The following SSUH2 variants were observed in gnomAD, a reference collection of about 807,000 sequenced individuals.
SSUH2 encodes protein SSUH2 homolog.
SSUH2 carries 47 observed loss-of-function variants against 55.3 expected under a neutral mutation model. The ratio of observed to expected loss-of-function variants is 0.85; its 90% CI spans 0.67 to 1.08. The LOEUF is 1.08. Ranked by LOEUF, SSUH2 falls within the 50% of genes least tolerant of loss-of-function variation. SSUH2 has a pLI of 0.00. For missense variants in SSUH2, 535 were observed against 490.7 expected (o/e 1.09, Z -0.85); for synonymous variants, 212 against 191.5 (o/e 1.11, Z -0.89).
chr3:8,681,197 G>A (rs1332139796), intron 1 of SSUH2, among the ~76,000 whole-genome samples: 2 of 135,566 alleles, frequency 1.5e-5, no homozygotes, highest in Admixed American at 7.1e-5. Context: ...CGGGGAATGA[G>A]AGCCAGCCCC....
chr3:8,625,212 A>G (rs1469343830), intron 10 of SSUH2, among the ~76,000 whole-genome samples: 1 of 151,914 alleles, frequency 6.6e-6, no homozygotes, highest in Non-Finnish European at 1.5e-5. Context: ...TGTGGAAGGA[A>G]GGAGGGGATG....
intron 11 of SSUH2, among the ~76,000 whole-genome samples, chr3:8,620,794 G>T (rs1559263339): frequency 6.6e-6 from 1 of 152,180 alleles, no homozygotes; most frequent in Admixed American, 6.5e-5. Context: ...CAACCACAGA[G>T]GTATTAGGAA....
chr3:8,622,824 C>G (rs1363156006), intron 11 of SSUH2, among the ~76,000 whole-genome samples: 1 of 152,200 alleles, frequency 6.6e-6, no homozygotes, highest in Non-Finnish European at 1.5e-5. Flanking sequence ...GCAAAACCCT[C>G]TGAGGTGCTT....
chr3:8,650,515 T>C (rs930695412), intron 7 of SSUH2, among the ~76,000 whole-genome samples: 1 of 152,180 alleles, frequency 6.6e-6, no homozygotes, highest in Non-Finnish European at 1.5e-5. Context: ...TCTCCAAAGA[T>C]AAGCTTTGTT....
intron 5 of SSUH2, among the ~76,000 whole-genome samples, chr3:8,666,598 A>G (rs963577709): frequency 6.6e-6 from 1 of 152,182 alleles, no homozygotes; most frequent in Non-Finnish European, 1.5e-5. Context: ...CACCGCAACA[A>G]TCATCAACAC....
intron 4 of SSUH2, 115 bp from the exon 5 acceptor site, chr3:8,632,224 T>A: frequency 1.3e-6 from 1 of 797,116 alleles, no homozygotes; most frequent in East Asian, 2.6e-5. Context: ...GAGAGGTCCA[T>A]GCACAACACC....
At position 8,677,696 on chromosome 3, in the gene SSUH2, A is replaced by G. The variant is rs754795840; in HGVS notation, c.-900-343T>C. ...AACAACTAGACAGGGTTTCTAAAGG[A>G]TTGCCCCCCTGTTTTAGGGCCTTGG... is the stretch of plus-strand genomic sequence containing the variant. On this transcript the variant is annotated intron_variant, in intron 2 of 18. Transcript: ENST00000317371. Among the ~76,000 whole-genome samples, 2 of 150,690 alleles carry G rather than the reference A, an allele frequency of 1.3e-5. 1 individual carries two copies. Among genetic ancestry groups the G allele is most frequent in the Admixed American group, 1.3e-4 (2 of 15,168 alleles).
intron 7 of SSUH2, among the ~76,000 whole-genome samples, chr3:8,656,220 AAT>A (rs1702922630): frequency 6.6e-6 from 1 of 152,252 alleles, no homozygotes; most frequent in Admixed American, 6.5e-5. Context: ...AACCTCTGGC[AAT>A]ATATACTCTC....
intron 3 of SSUH2, 143 bp from the exon 4 acceptor site, chr3:8,633,938 T>C (rs769175742): frequency 3.3e-5 from 53 of 1,613,666 alleles, no homozygotes; most frequent in Non-Finnish European, 4.4e-5. Flanking sequence ...GGGGAGGGCA[T>C]CTCCTGCAAA....
At chr3:8,625,321 C>A (rs1697296849) in intron 10 of SSUH2, among the ~76,000 whole-genome samples, 2 of 151,850 alleles carry the variant, frequency 1.3e-5, no homozygotes, top group Non-Finnish European at 2.9e-5. Flanking sequence ...GGAAGAACGG[C>A]ATGGTGGGTG....
intron 1 of SSUH2, among the ~76,000 whole-genome samples, chr3:8,681,645 C>G (rs112311407): frequency 0.015 from 2,272 of 150,502 alleles, 54 homozygotes; most frequent in African/African-American, 0.05. Context: ...GGTGAGGCAC[C>G]CCCCGTGCGA....
At chr3:8,670,983 T>C in intron 5 of SSUH2, 1 of 421,888 alleles carries the variant, frequency 2.4e-6, no homozygotes, top group Non-Finnish European at 4.9e-6. Flanking sequence ...TAACGAATAA[T>C]GTCAGAGAAT....
intron 3 of SSUH2, chr3:8,634,281 ACT>A (rs1024595950): frequency 1.4e-5 from 12 of 834,512 alleles, no homozygotes; most frequent in Non-Finnish European, 1.9e-5. Context: ...GCCCATGGAG[ACT>A]CACCCTGAGG....
intron 5 of SSUH2, among the ~76,000 whole-genome samples, chr3:8,666,673 G>A (rs923963349): frequency 8.5e-5 from 13 of 152,340 alleles, no homozygotes; most frequent in Admixed American, 4.6e-4. Context: ...CCAAGCAGCA[G>A]ATGCTAGCTG....
At chr3:8,673,610 G>C (rs566351045) in intron 3 of SSUH2, among the ~76,000 whole-genome samples, 1 of 152,298 alleles carries the variant, frequency 6.6e-6, no homozygotes, top group South Asian at 2.1e-4. Context: ...ATTGCCATCG[G>C]TTGCTCATGT....
At chr3:8,634,105 T>G in intron 3 of SSUH2, 1 of 762,582 alleles carries the variant, frequency 1.3e-6, no homozygotes, top group Non-Finnish European at 2.1e-6. Flanking sequence ...TACCATTTTA[T>G]AGATAAGAAA....
rs929749700 is a variant in SSUH2, at chr3:8,626,233, T to C, written c.763A>G (p.Met255Val). ...KLLHFIQLVI[M>V]WKNSLFEFVS... ...CATTGAGACACTGCCACATACCACA[T>C]GATGACAAGCTGGATGAAGTGCAAC... The change falls in exon 9 of 12, where the codon ATG (methionine) becomes GTG (valine). Residue 255 changes from methionine to valine, a missense_variant. Physicochemically the swap from Met to Val is conservative, Grantham distance 21. Coordinates refer to ENST00000544814, the MANE Select transcript of SSUH2 (RefSeq NM_001256748.3). 4 of 1,613,752 alleles carry C rather than the reference T, an allele frequency of 2.5e-6. No individual in the cohort carries two copies. In the East Asian group the frequency reaches 6.7e-5, roughly 27 times the overall value.
chr3:8,638,589 G>A (rs1700317003), intron 1 of SSUH2, among the ~76,000 whole-genome samples: 1 of 152,156 alleles, frequency 6.6e-6, no homozygotes, highest in African/African-American at 2.4e-5. Flanking sequence ...CACCATGTAA[G>A]CCACACATCC....
At chr3:8,637,262 A>G (rs1405869859) in intron 1 of SSUH2, among the ~76,000 whole-genome samples, 3 of 152,184 alleles carry the variant, frequency 2.0e-5, no homozygotes, top group Non-Finnish European at 4.4e-5. Flanking sequence ...GTGGAGTAGT[A>G]TCTGTACTTT....
Sources: gnomAD v4.1 joint callset for allele counts (sites outside exome capture counted in the v4.1 genomes callset) on GRCh38, gnomAD v4.1.1 for gene constraint, MANE v1.5 for transcripts, NCBI Gene and HGNC (gene_info 2026-07-23, HGNC 2026-07-21) for gene names.